SUPT3H: variants seen among roughly 807,000 people sequenced by gnomAD.
The protein encoded by SUPT3H is transcription initiation protein SPT3 homolog.
In SUPT3H, 44 loss-of-function variants were observed where a neutral mutation model predicts 44.3. The ratio of observed to expected loss-of-function variants is 0.99; its 90% CI spans 0.78 to 1.28. SUPT3H has a LOEUF of 1.28. SUPT3H is among the 50% of genes most tolerant of loss of function. SUPT3H has a pLI of 0.00. For synonymous variants in SUPT3H, 124 were observed against 125.6 expected (o/e 0.99, Z 0.09); for missense variants, 380 against 387.1 (o/e 0.98, Z 0.15).
intron 2 of SUPT3H, among the ~76,000 whole-genome samples, chr6:45,231,716 G>A (rs1029836719): frequency 1.3e-5 from 2 of 152,014 alleles, no homozygotes; most frequent in African/African-American, 4.8e-5. Flanking sequence ...TCAACCTTCA[G>A]GGATACTAAT....
chr6:45,008,965 T>C (rs1783093866), intron 5 of SUPT3H, among the ~76,000 whole-genome samples: 1 of 152,152 alleles, frequency 6.6e-6, no homozygotes, highest in East Asian at 1.9e-4. Flanking sequence ...GGTCTTGAAC[T>C]CCTGACCTCA....
intron 2 of SUPT3H, among the ~76,000 whole-genome samples, chr6:45,161,315 T>G (rs1299629161): frequency 1.3e-5 from 2 of 152,166 alleles, no homozygotes; most frequent in Non-Finnish European, 2.9e-5. Context: ...TACCTGGGCC[T>G]GACTATAAAG....
intron 2 of SUPT3H, among the ~76,000 whole-genome samples, chr6:45,159,707 C>T (rs1012824916): frequency 6.6e-6 from 1 of 152,182 alleles, no homozygotes; most frequent in Non-Finnish European, 1.5e-5. Context: ...TGTTTAGCTA[C>T]TACAACAAGA....
chr6:45,164,074 G>A (rs549469900), intron 2 of SUPT3H, among the ~76,000 whole-genome samples: 1 of 152,104 alleles, frequency 6.6e-6, no homozygotes, highest in Non-Finnish European at 1.5e-5. Flanking sequence ...CCCAGCTAAG[G>A]TCTAACAGGG....
At chr6:44,972,980 TC>T (rs1446180904) in intron 6 of SUPT3H, among the ~76,000 whole-genome samples, 3 of 152,138 alleles carry the variant, frequency 2.0e-5, no homozygotes, top group Non-Finnish European at 4.4e-5. Flanking sequence ...GGAGACATTT[TC>T]CCCTGTTTTG....
chr6:45,359,629 T>TA (rs1362467597), intron 2 of SUPT3H, among the ~76,000 whole-genome samples: 1 of 152,230 alleles, frequency 6.6e-6, no homozygotes, highest in African/African-American at 2.4e-5. Context: ...AAGCATCTAA[T>TA]AAGTATATAG....
At chr6:45,358,904 C>T (rs1793738778) in intron 2 of SUPT3H, among the ~76,000 whole-genome samples, 1 of 152,106 alleles carries the variant, frequency 6.6e-6, no homozygotes. Context: ...ACAGAGACTG[C>T]CACTCTCCAG....
intron 3 of SUPT3H, among the ~76,000 whole-genome samples, chr6:45,028,523 C>G (rs1786384556): frequency 6.6e-6 from 1 of 151,680 alleles, no homozygotes; most frequent in Non-Finnish European, 1.5e-5. Context: ...AGTTTATACA[C>G]TTAAAATTAT....
At chr6:44,885,243 T>G (rs1448995921) in intron 10 of SUPT3H, among the ~76,000 whole-genome samples, 1 of 152,160 alleles carries the variant, frequency 6.6e-6, no homozygotes, top group Admixed American at 6.5e-5. Context: ...TGTCCCTGTC[T>G]GACAGCTTTG....
chr6:45,301,292 T>C (rs1473421791), intron 2 of SUPT3H, among the ~76,000 whole-genome samples: 2 of 152,222 alleles, frequency 1.3e-5, no homozygotes, highest in African/African-American at 4.8e-5. Context: ...ACAGAGCAGG[T>C]ACAATTGGAA....
At chr6:45,215,623 T>G (rs181963749) in intron 2 of SUPT3H, among the ~76,000 whole-genome samples, 1 of 152,218 alleles carries the variant, frequency 6.6e-6, no homozygotes, top group Admixed American at 6.5e-5. Context: ...AAGGCAGATC[T>G]TCTGAATTAA....
intron 2 of SUPT3H, among the ~76,000 whole-genome samples, chr6:45,237,641 T>C (rs1769439217): frequency 1.3e-5 from 2 of 152,140 alleles, no homozygotes; most frequent in Non-Finnish European, 2.9e-5. Context: ...TTGTTAAGCC[T>C]CCAGAACCTA....
intron 5 of SUPT3H, among the ~76,000 whole-genome samples, chr6:45,005,839 T>C (rs1186753007): frequency 6.6e-6 from 1 of 152,166 alleles, no homozygotes; most frequent in Non-Finnish European, 1.5e-5. Context: ...TTTAAATTTG[T>C]AAAGGTTTAC....
At chr6:45,132,033 T>C (rs1803548663) in intron 2 of SUPT3H, among the ~76,000 whole-genome samples, 1 of 152,130 alleles carries the variant, frequency 6.6e-6, no homozygotes, top group African/African-American at 2.4e-5. Context: ...AATAATATAA[T>C]AGAACAATGA....
At chr6:44,867,503 T>C (rs1433744574) in intron 10 of SUPT3H, among the ~76,000 whole-genome samples, 1 of 152,234 alleles carries the variant, frequency 6.6e-6, no homozygotes, top group Non-Finnish European at 1.5e-5. Flanking sequence ...TATGATTGAT[T>C]CGCTAACATC....
intron 2 of SUPT3H, among the ~76,000 whole-genome samples, chr6:45,150,722 T>G (rs905105081): frequency 8.5e-4 from 73 of 86,380 alleles, no homozygotes; most frequent in African/African-American, 2.5e-3. Context: ...TATTCTGCGT[T>G]TTTTTTTTTT....
chr6:45,033,452 G>A (rs1787247319), intron 3 of SUPT3H, among the ~76,000 whole-genome samples: 1 of 152,024 alleles, frequency 6.6e-6, no homozygotes, highest in Non-Finnish European at 1.5e-5. Flanking sequence ...GCAAACCAAA[G>A]CAAGTACACA....
chr6:44,833,830 G>A (rs1769310090), intron 10 of SUPT3H, among the ~76,000 whole-genome samples: 2 of 152,190 alleles, frequency 1.3e-5, no homozygotes, highest in South Asian at 4.1e-4. Context: ...TATTCTCTTA[G>A]TCCTAACAAA....
rs150713989 is a variant in SUPT3H, at chr6:45,062,285, A to C, written c.187-41653T>G. Among the ~76,000 whole-genome samples, 807 of 152,262 alleles carry C rather than the reference A, an allele frequency of 5.3e-3. 9 individuals are homozygous for C. Among genetic ancestry groups the C allele is most frequent in the African/African-American group, 0.018 (753 of 41,540 alleles). Reference sequence around the variant, plus strand: ...ACATTTGAAAAAGTTGAAATAATAAAAATTATAAATCTACACTGTACTAAA... The same window carrying C: ...ACATTTGAAAAAGTTGAAATAATAACAATTATAAATCTACACTGTACTAAA... On this transcript the variant is annotated intron_variant, in intron 3 of 10. Coordinates refer to ENST00000371459, the MANE Select transcript of SUPT3H (RefSeq NM_003599.4).
Sources: allele counts gnomAD v4.1 joint callset (sites outside exome capture counted in the v4.1 genomes callset), GRCh38; gene constraint gnomAD v4.1.1; transcripts MANE v1.5; gene names NCBI Gene and HGNC (gene_info 2026-07-23, HGNC 2026-07-21).